Variants in LRFN5 observed in about 807,000 individuals in gnomAD.
The protein encoded by LRFN5 is leucine rich repeat and fibronectin type III domain containing 5, also known as leucine-rich repeat and fibronectin type-III domain-containing protein 5.
LRFN5 carries 24 observed loss-of-function variants against 45.6 expected under a neutral mutation model. The ratio of observed to expected loss-of-function variants is 0.53; its 90% CI spans 0.38 to 0.74. The LOEUF (loss-of-function observed/expected upper bound fraction) is 0.74, where lower values mean the gene tolerates loss of function less well. Among genes scored for constraint, LRFN5 ranks in the 30% least tolerant of loss-of-function variants. LRFN5 has a pLI of 0.00. For synonymous variants in LRFN5, 340 were observed against 313.8 expected (o/e 1.08, Z -0.88); for missense variants, 776 against 861.5 (o/e 0.90, Z 1.24).
chr14:41,841,428 TTGTATG>T (rs1260684127), intron 2 of LRFN5, among the ~76,000 whole-genome samples: 3 of 151,984 alleles, frequency 2.0e-5, no homozygotes, highest in Non-Finnish European at 4.4e-5. Context: ...TTAAGTATGT[TTGTATG>T]TGTATGTGTT....
chr14:41,884,517 G>A (rs1359295633), intron 2 of LRFN5, among the ~76,000 whole-genome samples: 1 of 152,160 alleles, frequency 6.6e-6, no homozygotes, highest in Admixed American at 6.5e-5. Context: ...CAGCAAGTGA[G>A]ATACGGGGTT....
intron 1 of LRFN5, among the ~76,000 whole-genome samples, chr14:41,639,949 A>ATTTT (rs34020254): frequency 2.8e-4 from 19 of 68,082 alleles, no homozygotes; most frequent in African/African-American, 3.4e-4. Context: ...TGACTGGCTA[A>ATTTT]TTTTTTTTTT....
At chr14:41,861,831 A>C (rs1382545704) in intron 2 of LRFN5, among the ~76,000 whole-genome samples, 1 of 152,186 alleles carries the variant, frequency 6.6e-6, no homozygotes, top group African/African-American at 2.4e-5. Context: ...CAAGAAAAAG[A>C]CTATTGCCAA....
chr14:41,715,804 T>A (rs1883469293), intron 1 of LRFN5, among the ~76,000 whole-genome samples: 1 of 152,144 alleles, frequency 6.6e-6, no homozygotes, highest in South Asian at 2.1e-4. Context: ...GGCCCTCTTC[T>A]CATAGCTCCA....
chr14:41,614,328 G>A (rs949554715), intron 1 of LRFN5, among the ~76,000 whole-genome samples: 2 of 151,796 alleles, frequency 1.3e-5, no homozygotes, highest in Non-Finnish European at 2.9e-5. Context: ...TTGGAATCCC[G>A]CACTCAACAA....
intron 1 of LRFN5, among the ~76,000 whole-genome samples, chr14:41,640,388 A>G (rs1300203657): frequency 1.3e-5 from 2 of 152,140 alleles, no homozygotes; most frequent in Non-Finnish European, 2.9e-5. Flanking sequence ...TGGACGTCAA[A>G]GAACCATATA....
intron 2 of LRFN5, among the ~76,000 whole-genome samples, chr14:41,820,821 A>T (rs900571536): frequency 6.6e-6 from 1 of 151,966 alleles, no homozygotes; most frequent in East Asian, 1.9e-4. Context: ...TTAATTGTAC[A>T]GATCTTCACC....
chr14:41,887,834 A>C lies in LRFN5; in HGVS notation c.1209A>C (p.Ser403=). ...GSSDISTSTK[S]GSNTSSSNGD... ...CAGATATCTCAACTTCTACCAAGTC[A>C]GGTTCTAATACAAGCAGTAGTAATG... The change falls in exon 3 of 6, where the codon TCA becomes TCC. Residue 403 remains serine, a synonymous_variant. Transcript: ENST00000298119. The surrounding 1 kb of genome is among the most constrained non-coding windows in gnomAD (Gnocchi z 4.8). 1 of 1,614,088 alleles carries C rather than the reference A, an allele frequency of 6.2e-7. No individual in the cohort carries two copies. Among genetic ancestry groups the C allele is most frequent in the South Asian group, 1.1e-5 (1 of 91,070 alleles).
intron 1 of LRFN5, among the ~76,000 whole-genome samples, chr14:41,652,909 G>A (rs900959281): frequency 3.9e-5 from 6 of 152,040 alleles, no homozygotes; most frequent in Admixed American, 3.9e-4. Flanking sequence ...TTTCTCTAAT[G>A]CTCAGTATTG....
At chr14:41,673,349 C>T (rs939020276) in intron 1 of LRFN5, among the ~76,000 whole-genome samples, 5 of 147,698 alleles carry the variant, frequency 3.4e-5, no homozygotes, top group African/African-American at 1.2e-4. Context: ...GGGGGGCTGA[C>T]CCCCCACCTC....
chr14:41,902,852 CAT>C (rs1034045180), intron 5 of LRFN5, among the ~76,000 whole-genome samples: 4 of 151,548 alleles, frequency 2.6e-5, no homozygotes, highest in African/African-American at 7.2e-5. Flanking sequence ...AAAGAGAAAA[CAT>C]GTTGATTTTC....
chr14:41,888,906 G>A (rs1027126599), intron 3 of LRFN5, among the ~76,000 whole-genome samples: 1 of 151,314 alleles, frequency 6.6e-6, no homozygotes, highest in Non-Finnish European at 1.5e-5. Flanking sequence ...TTTGTGAGAG[G>A]CTTACTATGC....
chr14:41,832,389 C>T (rs572304551), intron 2 of LRFN5, among the ~76,000 whole-genome samples: 4 of 152,232 alleles, frequency 2.6e-5, no homozygotes, highest in East Asian at 1.9e-4. Context: ...ATACAATATT[C>T]GGTCACTGGC....
intron 4 of LRFN5, chr14:41,892,307 A>G (rs1890813287): frequency 1.0e-6 from 1 of 954,848 alleles, no homozygotes; most frequent in Non-Finnish European, 1.2e-6. Flanking sequence ...ATATATACAC[A>G]TATATAACTA....
At chr14:41,678,778 A>G (rs571624525) in intron 1 of LRFN5, among the ~76,000 whole-genome samples, 18 of 152,180 alleles carry the variant, frequency 1.2e-4, no homozygotes, top group Non-Finnish European at 2.4e-4. Flanking sequence ...AGCACCTTCT[A>G]AAAACCAAAA....
chr14:41,818,472 T>C (rs1290091363), intron 2 of LRFN5, among the ~76,000 whole-genome samples: 1 of 151,886 alleles, frequency 6.6e-6, no homozygotes, highest in East Asian at 1.9e-4. Flanking sequence ...TTTACATATA[T>C]ATATCATATA....
intron 1 of LRFN5, among the ~76,000 whole-genome samples, chr14:41,612,581 AT>A: frequency 6.6e-6 from 1 of 152,234 alleles, no homozygotes; most frequent in African/African-American, 2.4e-5. Flanking sequence ...AATGACACAC[AT>A]GTGCATAACT....
intron 1 of LRFN5, among the ~76,000 whole-genome samples, chr14:41,679,957 C>T (rs376900103): frequency 2.0e-5 from 3 of 152,282 alleles, no homozygotes; most frequent in Admixed American, 6.5e-5. Flanking sequence ...CTTGAACTAA[C>T]ATCATCAGTA....
intron 1 of LRFN5, among the ~76,000 whole-genome samples, chr14:41,659,813 C>T (rs1880553742): frequency 6.6e-6 from 1 of 150,784 alleles, no homozygotes; most frequent in Non-Finnish European, 1.5e-5. Context: ...TGATGATGAG[C>T]TTTTTTTCAT....
Sources: gnomAD v4.1 joint callset for allele counts (sites outside exome capture counted in the v4.1 genomes callset) on GRCh38, gnomAD v4.1.1 for gene constraint, Gnocchi (gnomAD v3.1) non-coding constraint, MANE v1.5 for transcripts, NCBI Gene and HGNC (gene_info 2026-07-23, HGNC 2026-07-21) for gene names.